The following VPS39 variants were observed in gnomAD, a reference collection of about 807,000 sequenced individuals.
The protein encoded by VPS39 is VPS39 subunit of HOPS complex, also known as vam6/Vps39-like protein.
VPS39 carries 70 observed loss-of-function variants against 121.0 expected under a neutral mutation model. That is an observed-to-expected ratio of 0.58 (90% CI 0.48 to 0.71). The LOEUF is 0.71. VPS39 is among the 30% of genes least tolerant of loss of function. The pLI is 0.00. For synonymous variants in VPS39, 378 were observed against 398.1 expected (o/e 0.95, Z 0.60); for missense variants, 818 against 1,051.5 (o/e 0.78, Z 3.07).
chr15:42,173,556 G>C, intron 11 of VPS39, 167 bp downstream of exon 11: 1 of 777,140 alleles, frequency 1.3e-6, no homozygotes, highest in South Asian at 2.0e-5. Context: ...TAGGAGTATA[G>C]ATATGTAACC....
chr15:42,179,480 G>C (rs1338043636), intron 8 of VPS39, among the ~76,000 whole-genome samples: 1 of 151,300 alleles, frequency 6.6e-6, no homozygotes, highest in Non-Finnish European at 1.5e-5. Flanking sequence ...GGGAGGCTGA[G>C]GCAGGAGAAT....
intron 4 of VPS39, among the ~76,000 whole-genome samples, chr15:42,190,234 C>T (rs1566906042): frequency 6.6e-6 from 1 of 152,214 alleles, no homozygotes; most frequent in Non-Finnish European, 1.5e-5. Flanking sequence ...GGGAAATCCC[C>T]TGTGCATTTT....
chr15:42,161,058 T>A, intron 24 of VPS39: 1 of 522,640 alleles, frequency 1.9e-6, no homozygotes, highest in Non-Finnish European at 3.4e-6. Context: ...GCATGGGGTA[T>A]TTTTTTATTA....
chr15:42,179,397 G>C (rs975418985), intron 8 of VPS39, among the ~76,000 whole-genome samples: 1 of 150,652 alleles, frequency 6.6e-6, no homozygotes, highest in Non-Finnish European at 1.5e-5. Flanking sequence ...GTGAAACCCT[G>C]TCTCTACTAA....
chr15:42,197,509 C>T (rs904110961), intron 2 of VPS39, among the ~76,000 whole-genome samples: 2 of 151,904 alleles, frequency 1.3e-5, no homozygotes, highest in Non-Finnish European at 2.9e-5. Context: ...GCCAAGATAG[C>T]GCCACTACAC....
intron 15 of VPS39, 87 bp downstream of exon 15, chr15:42,166,476 G>T: frequency 6.8e-7 from 1 of 1,462,904 alleles, no homozygotes; most frequent in Non-Finnish European, 9.5e-7. Context: ...GGGAGGGAGG[G>T]GAGCAACCAA....
intron 4 of VPS39, among the ~76,000 whole-genome samples, chr15:42,190,519 T>TAGCC (rs2140877206): frequency 6.6e-6 from 1 of 152,328 alleles, no homozygotes; most frequent in South Asian, 2.1e-4. Flanking sequence ...CTCAACAGTG[T>TAGCC]AGCCCTGCTC....
intron 7 of VPS39, among the ~76,000 whole-genome samples, chr15:42,186,576 A>C (rs147531996): frequency 0.033 from 5,007 of 152,364 alleles, 134 homozygotes; most frequent in Non-Finnish European, 0.043. Context: ...ACAGTGTGTC[A>C]ATCTTTTCTA....
At chr15:42,189,007 T>C (rs2049764796) in intron 5 of VPS39, 107 bp downstream of exon 5, 2 of 799,792 alleles carry the variant, frequency 2.5e-6, no homozygotes, top group East Asian at 2.6e-5. Flanking sequence ...GAGTCTCTGT[T>C]GGGTATGGAT....
chr15:42,183,025 A>C (rs2049616227), intron 8 of VPS39, among the ~76,000 whole-genome samples: 1 of 151,740 alleles, frequency 6.6e-6, no homozygotes, highest in Non-Finnish European at 1.5e-5. Flanking sequence ...TAAAATACTG[A>C]CCTTTTGATT....
intron 1 of VPS39, among the ~76,000 whole-genome samples, chr15:42,201,834 T>C (rs2050075040): frequency 6.6e-6 from 1 of 152,244 alleles, no homozygotes; most frequent in Non-Finnish European, 1.5e-5. Flanking sequence ...ATAAACTCTC[T>C]TGATTCTTGA....
intron 1 of VPS39, among the ~76,000 whole-genome samples, chr15:42,202,028 A>G (rs923175103): frequency 6.6e-6 from 1 of 152,220 alleles, no homozygotes; most frequent in Non-Finnish European, 1.5e-5. Flanking sequence ...GGGAATATAT[A>G]ACTTTTCCAG....
chr15:42,173,604 A>T (rs1280065373), intron 11 of VPS39, 119 bp downstream of exon 11: 5 of 1,341,006 alleles, frequency 3.7e-6, no homozygotes, highest in Non-Finnish European at 2.0e-6. Flanking sequence ...AGGTATGAGG[A>T]TCAATTTAGC....
chr15:42,169,155 G>A (rs1434760542), intron 12 of VPS39, among the ~76,000 whole-genome samples: 1 of 152,050 alleles, frequency 6.6e-6, no homozygotes, highest in African/African-American at 2.4e-5. Flanking sequence ...TCAGTATATG[G>A]CTAAATTTTT....
At position 42,162,379 on chromosome 15, in the gene VPS39, C is replaced by A. The variant is rs147774465; in HGVS notation, c.2278G>T (p.Ala760Ser). The A allele has an allele frequency of 1.9e-6, 3 of 1,612,604 alleles. No individual in the cohort carries two copies. Reference sequence around the variant, plus strand: ...TGGTGTAGCTCGAGGACCTGCAGAGCGGCCTGGAGGTTGGCTTTTGGCTCC... The same window carrying A: ...TGGTGTAGCTCGAGGACCTGCAGAGAGGCCTGGAGGTTGGCTTTTGGCTCC... ...LLEPKANLQA[A>S]LQVLELHHSK... is the part of the protein sequence containing the mutation. The change falls in exon 22 of 25, where the codon GCT becomes TCT. Residue 760 changes from alanine to serine, a missense_variant. Physicochemically the swap from Ala to Ser is moderately conservative, Grantham distance 99 (BLOSUM62 1). Transcript: ENST00000318006.
chr15:42,172,853 A>C (rs1216697126), intron 11 of VPS39, among the ~76,000 whole-genome samples: 1 of 152,226 alleles, frequency 6.6e-6, no homozygotes, highest in East Asian at 1.9e-4. Flanking sequence ...ATTCTACTTA[A>C]ACGATCCAGA....
intron 1 of VPS39, among the ~76,000 whole-genome samples, chr15:42,201,825 T>C (rs969706067): frequency 2.6e-4 from 40 of 152,202 alleles, no homozygotes; most frequent in Non-Finnish European, 1.6e-4. Context: ...ATTCCTTTCA[T>C]AAACTCTCTT....
chr15:42,178,781 T>A, intron 8 of VPS39: 1 of 591,220 alleles, frequency 1.7e-6, no homozygotes, highest in Non-Finnish European at 2.8e-6. Flanking sequence ...GGTGGGAAGG[T>A]CACGTAGGCC....
intron 11 of VPS39, 72 bp from the exon 12 acceptor site, chr15:42,169,938 T>C: frequency 6.8e-7 from 1 of 1,462,038 alleles, no homozygotes; most frequent in Non-Finnish European, 9.2e-7. Context: ...AACAGGACTA[T>C]TACTATAGCA....
Sources: gnomAD v4.1 joint callset for allele counts (sites outside exome capture counted in the v4.1 genomes callset) on GRCh38, gnomAD v4.1.1 for gene constraint, MANE v1.5 for transcripts, NCBI Gene and HGNC (gene_info 2026-07-23, HGNC 2026-07-21) for gene names.